Variants in ARMC2 observed in about 807,000 individuals in gnomAD.
The protein encoded by ARMC2 is armadillo repeat-containing protein 2.
A neutral mutation model predicts 90.3 loss-of-function variants in ARMC2; 67 were observed. That is an observed-to-expected ratio of 0.74 (90% CI 0.61 to 0.91). The LOEUF (loss-of-function observed/expected upper bound fraction) is 0.91. ARMC2 is among the 40% of genes least tolerant of loss of function. The probability of loss-of-function intolerance (pLI) is 0.00; values close to 1 mark genes in which losing one functional copy is unlikely to be tolerated. For synonymous variants in ARMC2, 393 were observed against 393.0 expected, an observed-to-expected ratio of 1.00 and a Z score of 0.00; for missense variants, 920 against 1,030.9, an observed-to-expected ratio of 0.89 and a Z score of 1.47.
the ARMC2 span, chr6:108,998,479 G>C: frequency 6.2e-7 from 1 of 1,610,582 alleles, no homozygotes; most frequent in Non-Finnish European, 8.5e-7. Context: ...ATTGTGATTA[G>C]TTTTATGACA....
chr6:108,989,803 T>C, the ARMC2 span, among the ~76,000 whole-genome samples: 13 of 152,258 alleles, frequency 8.5e-5, no homozygotes, highest in African/African-American at 3.1e-4. Flanking sequence ...GTTGTGTGCG[T>C]TGCTCCACTG....
chr6:108,894,139 A>G (rs1278574306), intron 5 of ARMC2, among the ~76,000 whole-genome samples: 2 of 152,194 alleles, frequency 1.3e-5, no homozygotes, highest in Non-Finnish European at 2.9e-5. Context: ...AGGCTGAGGC[A>G]GGAGGATCAC....
chr6:109,038,952 G>A, the ARMC2 span, among the ~76,000 whole-genome samples: 1 of 146,148 alleles, frequency 6.8e-6, no homozygotes, highest in Non-Finnish European at 1.5e-5. Flanking sequence ...AAGAAAAGAA[G>A]GGAGAAGGGA....
the ARMC2 span, among the ~76,000 whole-genome samples, chr6:109,046,856 C>T: frequency 5.4e-4 from 71 of 132,622 alleles, 2 homozygotes; most frequent in African/African-American, 1.8e-3. Flanking sequence ...GCAACCACCC[C>T]GTATGAGAAG....
At chr6:108,854,721 C>T (rs1270206622) in intron 2 of ARMC2, among the ~76,000 whole-genome samples, 3 of 152,198 alleles carry the variant, frequency 2.0e-5, no homozygotes, top group African/African-American at 4.8e-5. Flanking sequence ...TTACCATCGA[C>T]GAACATACTT....
chr6:109,021,139 A>G, the ARMC2 span, among the ~76,000 whole-genome samples: 1 of 151,992 alleles, frequency 6.6e-6, no homozygotes, highest in African/African-American at 2.4e-5. Context: ...GACTACAGGC[A>G]TGCCACCATG....
the ARMC2 span, chr6:108,988,737 T>C: frequency 1.4e-6 from 2 of 1,454,770 alleles, no homozygotes; most frequent in South Asian, 2.7e-5. Flanking sequence ...TATAACCTGT[T>C]TTCATCTTAC....
At chr6:108,914,632 A>T (rs1773768997) in intron 10 of ARMC2, among the ~76,000 whole-genome samples, 1 of 152,178 alleles carries the variant, frequency 6.6e-6, no homozygotes, top group African/African-American at 2.4e-5. Context: ...TATCAACTGT[A>T]TCACTGTTTG....
chr6:108,939,131 A>G (rs1429520132), intron 12 of ARMC2, among the ~76,000 whole-genome samples: 1 of 152,208 alleles, frequency 6.6e-6, no homozygotes, highest in African/African-American at 2.4e-5. Context: ...AAAATCCTAA[A>G]GTTTAAATTG....
At chr6:108,853,784 T>G (rs1233159464) in intron 1 of ARMC2, among the ~76,000 whole-genome samples, 1 of 152,196 alleles carries the variant, frequency 6.6e-6, no homozygotes, top group Non-Finnish European at 1.5e-5. Flanking sequence ...TGAGGTTTGT[T>G]GCAAAATCAA....
At chr6:108,873,388 G>T (rs552216159) in intron 4 of ARMC2, among the ~76,000 whole-genome samples, 3 of 152,168 alleles carry the variant, frequency 2.0e-5, no homozygotes, top group Non-Finnish European at 2.9e-5. Context: ...GTGCACAGCT[G>T]TGTTGTGATC....
At chr6:108,910,817 T>C (rs2128471182) in intron 8 of ARMC2, 82 bp from the exon 9 acceptor site, 1 of 696,360 alleles carries the variant, frequency 1.4e-6, no homozygotes, top group Non-Finnish European at 2.2e-6. Context: ...TGCTGTACTT[T>C]AAAAATAGAT....
At chr6:109,007,785 CTTTTT>C in the ARMC2 span, among the ~76,000 whole-genome samples, 29 of 103,328 alleles carry the variant, frequency 2.8e-4, no homozygotes, top group South Asian at 1.2e-3. Context: ...AGTCCAGGTA[CTTTTT>C]TTTTTTTTTT....
At chr6:108,866,928 A>G (rs1775877366) in intron 3 of ARMC2, among the ~76,000 whole-genome samples, 1 of 152,116 alleles carries the variant, frequency 6.6e-6, no homozygotes, top group Non-Finnish European at 1.5e-5. Context: ...ACACCCTAAT[A>G]TAGATGTCTA....
intron 2 of ARMC2, among the ~76,000 whole-genome samples, chr6:108,857,961 A>T (rs966129966): frequency 6.6e-6 from 1 of 152,206 alleles, no homozygotes; most frequent in East Asian, 1.9e-4. Context: ...AAAGCTTTTT[A>T]AAAAATTACT....
rs78422148 is a variant in ARMC2, at chr6:108,900,612, A to G, written c.847+820A>G. On this transcript the variant is annotated intron_variant, in intron 7 of 17. Coordinates refer to ENST00000392644, the MANE Select transcript of ARMC2 (RefSeq NM_032131.6). ...TGAACCCTCCCCAGCAACCAAACAG[A>G]GATGTGCTGCAAAAGACCTGATTAC... 4.2e-3 allele frequency among the ~76,000 whole-genome samples: 640 copies of G among 152,274 alleles called. 3 individuals carry two copies. Among genetic ancestry groups the G allele is most frequent in the African/African-American group, 0.014 (600 of 41,544 alleles).
intron 11 of ARMC2, among the ~76,000 whole-genome samples, chr6:108,934,160 A>T (rs1423494881): frequency 6.6e-6 from 1 of 152,134 alleles, no homozygotes; most frequent in African/African-American, 2.4e-5. Flanking sequence ...CTCGCCTGGC[A>T]TCAGTACCTA....
At chr6:108,898,651 C>T (rs11752416) in intron 6 of ARMC2, among the ~76,000 whole-genome samples, 237 of 152,322 alleles carry the variant, frequency 1.6e-3, no homozygotes, top group Non-Finnish European at 2.0e-3. Flanking sequence ...ACCCTTTAGT[C>T]GGCTAGTTTG....
At chr6:108,886,256 G>A (rs544199701) in intron 5 of ARMC2, among the ~76,000 whole-genome samples, 1 of 152,162 alleles carries the variant, frequency 6.6e-6, no homozygotes, top group African/African-American at 2.4e-5. Flanking sequence ...CTCCAAAGTA[G>A]GAATAAACAA....
Sources: gnomAD v4.1 joint callset for allele counts (sites outside exome capture counted in the v4.1 genomes callset) on GRCh38, gnomAD v4.1.1 for gene constraint, MANE v1.5 for transcripts, NCBI Gene and HGNC (gene_info 2026-07-23, HGNC 2026-07-21) for gene names.